C2orf80: variants seen among roughly 807,000 people sequenced by gnomAD.
The protein encoded by C2orf80 is uncharacterized protein C2orf80.
In C2orf80, 28 loss-of-function variants were observed where a neutral mutation model predicts 30.2. That is an observed-to-expected ratio of 0.93 (90% confidence interval 0.69 to 1.27). The LOEUF (loss-of-function observed/expected upper bound fraction) is 1.27, where lower values mean the gene tolerates loss of function less well. Ranked by LOEUF, C2orf80 falls within the 50% of genes most tolerant of loss-of-function variation. C2orf80 has a pLI of 0.00. For synonymous variants in C2orf80, 80 were observed against 76.4 expected, an observed-to-expected ratio of 1.05 and a Z score of -0.24; for missense variants, 220 against 231.0, an observed-to-expected ratio of 0.95 and a Z score of 0.31.
At chr2:208,182,669 G>A (rs11899822) in intron 4 of C2orf80, among the ~76,000 whole-genome samples, 5,030 of 152,286 alleles carry the variant, frequency 0.033, 272 homozygotes, top group African/African-American at 0.11. Flanking sequence ...CCAGAGTGCT[G>A]GGATTACAGG....
At chr2:208,183,823 G>C (rs961261211) in intron 3 of C2orf80, among the ~76,000 whole-genome samples, 1 of 152,104 alleles carries the variant, frequency 6.6e-6, no homozygotes, top group Non-Finnish European at 1.5e-5. Context: ...CAATGCGGAG[G>C]CTTATTTTTA....
chr2:208,185,164 A>C, intron 2 of C2orf80, 132 bp from the exon 3 acceptor site: 1 of 604,654 alleles, frequency 1.7e-6, no homozygotes, highest in South Asian at 2.2e-5. Flanking sequence ...CTGGTAGCTG[A>C]GTTAATATTC....
chr2:208,167,879 A>ATT (rs370751271), intron 8 of C2orf80, among the ~76,000 whole-genome samples: 24,137 of 146,220 alleles, frequency 0.17, 2,196 homozygotes, highest in African/African-American at 0.24. Context: ...CCTGGCTGTG[A>ATT]TTTTTTTTTT....
At chr2:208,173,096 G>A (rs1696154711) in intron 6 of C2orf80, among the ~76,000 whole-genome samples, 1 of 132,646 alleles carries the variant, frequency 7.5e-6, no homozygotes, top group South Asian at 2.4e-4. Context: ...TCCAGCCTGG[G>A]CAACAAGAGT....
At position 208,172,008 on chromosome 2, in the gene C2orf80, G is replaced by T. The variant is rs1345168464; in HGVS notation, c.434C>A (p.Ala145Glu). The change falls in exon 7 of 9, where the codon GCA becomes GAA. Residue 145 changes from alanine (A) to glutamate (E), a missense_variant. Coordinates refer to ENST00000341287, the MANE Select transcript of C2orf80 (RefSeq NM_001099334.3). ...PFAMLTAPKA[A>E]AYARKQSVKS... ...CTTACTCTGTTTGCGGGCGTATGCT[G>T]CTGCTTTGGGTGCTGTTAACATGGC... The T allele has an allele frequency of 1.9e-6, 3 of 1,613,822 alleles. No homozygotes were observed. Among genetic ancestry groups the T allele is most frequent in the Non-Finnish European group, 8.5e-7 (1 of 1,179,750 alleles).
intron 6 of C2orf80, among the ~76,000 whole-genome samples, chr2:208,173,530 C>T (rs1403713451): frequency 1.3e-5 from 2 of 152,046 alleles, no homozygotes; most frequent in African/African-American, 4.8e-5. Context: ...GAGGCTGAGG[C>T]AGGAGAATGG....
rs540296982 is a variant in C2orf80 at position 208,175,038 on chromosome 2, T to C, written c.367-2963A>G. On this transcript the variant is annotated intron_variant, in intron 6 of 8. Transcript: ENST00000341287. ...GCTCAGCCTGTAATCCCAGCTCTTT[T>C]GGAGGCCGAGGGGGGTGGGTGGATC... Among the ~76,000 whole-genome samples, 5 of 152,226 alleles carry C rather than the reference T, an allele frequency of 3.3e-5. No homozygotes were observed. The South Asian group carries it at 1.0e-3, about 32-fold the overall frequency.
At chr2:208,179,556 T>C (rs1696483067) in intron 6 of C2orf80, among the ~76,000 whole-genome samples, 1 of 152,206 alleles carries the variant, frequency 6.6e-6, no homozygotes, top group South Asian at 2.1e-4. Flanking sequence ...CACCTTCCCT[T>C]TCCTCTTGCC....
chr2:208,181,770 G>C (rs1189009003), intron 4 of C2orf80, among the ~76,000 whole-genome samples: 1 of 151,952 alleles, frequency 6.6e-6, no homozygotes, highest in African/African-American at 2.4e-5. Context: ...CCCTAGACAA[G>C]CCAGGTAACA....
At chr2:208,183,479 G>C (rs536955343) in intron 3 of C2orf80, among the ~76,000 whole-genome samples, 1 of 152,084 alleles carries the variant, frequency 6.6e-6, no homozygotes, top group South Asian at 2.1e-4. Context: ...AAAAGGTAAG[G>C]GTGGGGGAAC....
At chr2:208,171,662 G>T (rs1347716735) in intron 7 of C2orf80, among the ~76,000 whole-genome samples, 1 of 152,122 alleles carries the variant, frequency 6.6e-6, no homozygotes, top group East Asian at 1.9e-4. Context: ...TCCCAGGCTG[G>T]TCTCAAACTT....
intron 8 of C2orf80, among the ~76,000 whole-genome samples, chr2:208,169,583 C>G (rs1216259858): frequency 6.6e-6 from 1 of 151,642 alleles, no homozygotes; most frequent in South Asian, 2.1e-4. Context: ...TGTGGTGGTG[C>G]ATACCTGTAA....
intron 1 of C2orf80, among the ~76,000 whole-genome samples, chr2:208,188,120 GTGTGTGTA>G (rs1442528280): frequency 1.4e-5 from 2 of 143,252 alleles, no homozygotes; most frequent in Non-Finnish European, 3.0e-5. Context: ...GTGTGTGTGT[GTGTGTGTA>G]TCCACACACA....
chr2:208,185,244 C>A (rs11903955), intron 2 of C2orf80, among the ~76,000 whole-genome samples: 301 of 152,136 alleles, frequency 2.0e-3, no homozygotes, highest in African/African-American at 7.1e-3. Context: ...ACTGAAATAA[C>A]ATTTATCTAA....
In C2orf80 at chr2:208,172,117, C is replaced by A. The variant is rs114621498; in HGVS notation, c.367-42G>T. 4 of 1,480,718 alleles carry A rather than the reference C, an allele frequency of 2.7e-6. No homozygotes were observed. In the African/African-American group the frequency reaches 5.5e-5, roughly 21 times the overall value. The allele number at this position is 1,480,718 out of a possible 1,614,324, so 91.7% of individuals were successfully genotyped here. On this transcript the variant is annotated intron_variant, in intron 6 of 8. Coordinates refer to ENST00000341287, the MANE Select transcript of C2orf80 (RefSeq NM_001099334.3). ...CCTACTTTTAAAATCTGTCCATCAT[C>A]TGCGGCATGAACACCTGCTAGTCAC...
chr2:208,171,920 T>G, intron 7 of C2orf80, 68 bp downstream of exon 7: 1 of 1,307,138 alleles, frequency 7.7e-7, no homozygotes, highest in South Asian at 1.2e-5. Context: ...CCTTACCTGG[T>G]GAGCCTACTT....
Position 208,165,634 on chromosome 2 carries a change from G to A in C2orf80, c.*173C>T. ...TTTTTTTTTAAGAAAATGTAGCCATGCAATATGCTTCTAAAAGAAGAAAGC... is the reference window on the plus strand; with the variant it reads ...TTTTTTTTTAAGAAAATGTAGCCATACAATATGCTTCTAAAAGAAGAAAGC... On this transcript the variant is annotated 3_prime_UTR_variant, in exon 9 of 9. Coordinates refer to ENST00000341287, the MANE Select transcript of C2orf80 (RefSeq NM_001099334.3). 2 of 692,258 alleles carry A rather than the reference G, an allele frequency of 2.9e-6. No individual in the cohort carries two copies. The highest frequency in any genetic ancestry group is 2.4e-5 in the South Asian group (1 of 41,444). The allele number at this position is 692,258 out of a possible 1,614,324, so 42.9% of individuals were successfully genotyped here. A position where few individuals can be genotyped will look rare whatever the true frequency, so the allele number is the denominator to read the frequency against.
intron 6 of C2orf80, among the ~76,000 whole-genome samples, 162 bp from the exon 7 acceptor site, chr2:208,172,237 G>T (rs560227792): frequency 6.6e-6 from 1 of 152,168 alleles, no homozygotes; most frequent in Non-Finnish European, 1.5e-5. Context: ...GATGGGGCAC[G>T]TGAAGTATAT....
At chr2:208,168,764 A>G (rs991098587) in intron 8 of C2orf80, among the ~76,000 whole-genome samples, 3 of 151,248 alleles carry the variant, frequency 2.0e-5, no homozygotes, top group Non-Finnish European at 2.9e-5. Flanking sequence ...GATTATTAAG[A>G]AAGGGCTTTT....
Sources: gnomAD v4.1 joint callset for allele counts (sites outside exome capture counted in the v4.1 genomes callset) on GRCh38, gnomAD v4.1.1 for gene constraint, MANE v1.5 for transcripts, NCBI Gene and HGNC (gene_info 2026-07-23, HGNC 2026-07-21) for gene names.